The following ARHGAP15 variants were observed in gnomAD, a reference collection of about 807,000 sequenced individuals.
ARHGAP15 encodes the protein Rho GTPase activating protein 15, also known as rho GTPase-activating protein 15.
In ARHGAP15, 51 loss-of-function variants were observed where a neutral mutation model predicts 63.7. The observed-to-expected ratio is 0.80, with a 90% CI of 0.64 to 1.01. The LOEUF (loss-of-function observed/expected upper bound fraction) is 1.01. Among genes scored for constraint, ARHGAP15 ranks in the 50% least tolerant of loss-of-function variants. ARHGAP15 has a pLI of 0.00. For missense variants in ARHGAP15, 560 were observed against 564.6 expected (o/e 0.99, Z 0.08); for synonymous variants, 191 against 193.8 (o/e 0.99, Z 0.12).
intron 8 of ARHGAP15, chr2:143,480,654 T>C (rs1461992162): frequency 6.6e-6 from 1 of 152,212 alleles, no homozygotes; most frequent in Non-Finnish European, 1.5e-5. Flanking sequence ...GGTTTGAAAT[T>C]ATGACTTCTA....
At chr2:143,657,257 G>A (rs1173536860) in intron 12 of ARHGAP15, among the ~76,000 whole-genome samples, 2 of 152,164 alleles carry the variant, frequency 1.3e-5, no homozygotes, top group South Asian at 2.1e-4. Context: ...TGAGGCAGGA[G>A]AATAGCGTGA....
chr2:143,479,099 T>G (rs1691956731), intron 8 of ARHGAP15, among the ~76,000 whole-genome samples: 1 of 152,180 alleles, frequency 6.6e-6, no homozygotes, highest in Non-Finnish European at 1.5e-5. Flanking sequence ...CAGTGGTAGC[T>G]CTCACTATGT....
chr2:143,373,426 C>T (rs531540541), intron 6 of ARHGAP15, among the ~76,000 whole-genome samples: 6 of 151,986 alleles, frequency 3.9e-5, no homozygotes, highest in Admixed American at 1.3e-4. Context: ...GTCAGGAGAT[C>T]GAGACCATCC....
chr2:143,456,011 T>A (rs566908895), intron 8 of ARHGAP15, among the ~76,000 whole-genome samples: 1 of 152,124 alleles, frequency 6.6e-6, no homozygotes, highest in South Asian at 2.1e-4. Context: ...ACCCATTATT[T>A]AAGTCCAGAG....
intron 6 of ARHGAP15, among the ~76,000 whole-genome samples, chr2:143,386,626 C>G (rs1687298944): frequency 6.6e-6 from 1 of 152,084 alleles, no homozygotes; most frequent in Admixed American, 6.6e-5. Flanking sequence ...TGTACACATA[C>G]AATGCTAGAG....
At chr2:143,402,430 T>G (rs902197998) in intron 6 of ARHGAP15, among the ~76,000 whole-genome samples, 2 of 151,680 alleles carry the variant, frequency 1.3e-5, no homozygotes, top group Admixed American at 6.6e-5. Flanking sequence ...AGATTTAGCT[T>G]CTTCTGAGTT....
At chr2:143,230,074 G>A (rs1265300057) in intron 5 of ARHGAP15, among the ~76,000 whole-genome samples, 1 of 152,102 alleles carries the variant, frequency 6.6e-6, no homozygotes, top group East Asian at 1.9e-4. Context: ...TAAGGGCCAG[G>A]CACAAAACAA....
At chr2:143,698,782 G>A (rs994261256) in intron 12 of ARHGAP15, among the ~76,000 whole-genome samples, 1 of 152,064 alleles carries the variant, frequency 6.6e-6, no homozygotes, top group African/African-American at 2.4e-5. Flanking sequence ...AAATGAAAGA[G>A]GGAAAGAATT....
At chr2:143,253,754 A>G (rs1198439207) in intron 6 of ARHGAP15, among the ~76,000 whole-genome samples, 3 of 150,110 alleles carry the variant, frequency 2.0e-5, no homozygotes, top group Non-Finnish European at 3.0e-5. Flanking sequence ...ACTTATATAC[A>G]TAAAATATAT....
chr2:143,354,610 A>T (rs141419384), intron 6 of ARHGAP15, among the ~76,000 whole-genome samples: 5 of 152,282 alleles, frequency 3.3e-5, no homozygotes, highest in Admixed American at 3.3e-4. Flanking sequence ...ATTTTAAGAA[A>T]AGCATTTTAG....
chr2:143,485,877 T>A (rs1692302165), intron 8 of ARHGAP15, among the ~76,000 whole-genome samples: 1 of 152,218 alleles, frequency 6.6e-6, no homozygotes, highest in African/African-American at 2.4e-5. Flanking sequence ...TAATTTACAG[T>A]ACCTAGTCCT....
chr2:143,227,763 A>G (rs1693272838), intron 4 of ARHGAP15, among the ~76,000 whole-genome samples: 1 of 152,188 alleles, frequency 6.6e-6, no homozygotes, highest in Admixed American at 6.5e-5. Flanking sequence ...TATTTTATGT[A>G]TGGAATTAAC....
intron 6 of ARHGAP15, among the ~76,000 whole-genome samples, chr2:143,272,052 G>T (rs952232182): frequency 6.6e-6 from 1 of 152,106 alleles, no homozygotes. Context: ...TTAAATCGCC[G>T]GTCATTGTTG....
chr2:143,413,489 A>C (rs1284258479), intron 6 of ARHGAP15, among the ~76,000 whole-genome samples: 1 of 152,128 alleles, frequency 6.6e-6, no homozygotes, highest in Non-Finnish European at 1.5e-5. Flanking sequence ...GCTTTTAATT[A>C]ATTTTTATTG....
At chr2:143,410,671 G>T (rs889780787) in intron 6 of ARHGAP15, among the ~76,000 whole-genome samples, 1 of 151,730 alleles carries the variant, frequency 6.6e-6, no homozygotes, top group African/African-American at 2.4e-5. Flanking sequence ...GAAATGGGCA[G>T]AAAAATAAAA....
At chr2:143,153,777 ATCTTCTTCTTCTTCTTCTTCTTCT>A (rs1175995548) in intron 1 of ARHGAP15, among the ~76,000 whole-genome samples, 5 of 85,256 alleles carry the variant, frequency 5.9e-5, no homozygotes, top group South Asian at 3.3e-4. Flanking sequence ...TATATAATAA[ATCTTCTTCTTCTTCTTCTTCTTCT>A]TCTTCTTCTT....
intron 6 of ARHGAP15, among the ~76,000 whole-genome samples, chr2:143,384,930 A>G (rs933892232): frequency 6.6e-6 from 1 of 152,198 alleles, no homozygotes; most frequent in African/African-American, 2.4e-5. Context: ...TTTACTTTGG[A>G]ACACTGAATA....
At chr2:143,254,023 G>A (rs1256010504) in intron 6 of ARHGAP15, among the ~76,000 whole-genome samples, 1 of 152,106 alleles carries the variant, frequency 6.6e-6, no homozygotes, top group African/African-American at 2.4e-5. Context: ...CAGCTATAAC[G>A]AGCTGGGTAC....
intron 8 of ARHGAP15, chr2:143,480,648 T>G (rs1292596118): frequency 1.3e-5 from 2 of 152,194 alleles, no homozygotes; most frequent in East Asian, 1.9e-4. Context: ...AGTTGGGGTT[T>G]GAAATTATGA....
Sources: gnomAD v4.1 joint callset for allele counts (sites outside exome capture counted in the v4.1 genomes callset) on GRCh38, gnomAD v4.1.1 for gene constraint, MANE v1.5 for transcripts, NCBI Gene and HGNC (gene_info 2026-07-23, HGNC 2026-07-21) for gene names.